Variants in ME2 observed in about 807,000 individuals in gnomAD.
ME2 encodes malic enzyme 2, also known as NAD-dependent malic enzyme, mitochondrial.
In ME2, 60 loss-of-function variants were observed where a neutral mutation model predicts 73.7. The observed-to-expected ratio is 0.81, with a 90% confidence interval of 0.66 to 1.01. ME2 has a LOEUF of 1.01. Among genes scored for constraint, ME2 ranks in the 50% least tolerant of loss-of-function variants. The pLI is 0.00. For synonymous variants in ME2, 199 were observed against 236.9 expected (o/e 0.84, Z 1.47); for missense variants, 594 against 705.5 (o/e 0.84, Z 1.79).
At chr18:50,905,834 C>T (rs1375322772) in intron 2 of ME2, among the ~76,000 whole-genome samples, 1 of 152,182 alleles carries the variant, frequency 6.6e-6, no homozygotes, top group East Asian at 1.9e-4. Context: ...TCTTATCAGG[C>T]TTAAGGTCTG....
chr18:50,901,572 T>C (rs1326668828), intron 2 of ME2, among the ~76,000 whole-genome samples: 1 of 152,246 alleles, frequency 6.6e-6, no homozygotes, highest in East Asian at 1.9e-4. Context: ...TGATACTTTC[T>C]TTTACACTGT....
intron 1 of ME2, among the ~76,000 whole-genome samples, chr18:50,887,362 A>G (rs1309150606): frequency 6.6e-6 from 1 of 152,220 alleles, no homozygotes; most frequent in Non-Finnish European, 1.5e-5. Context: ...CAAATGTTCC[A>G]TGGGTAGACA....
intron 1 of ME2, among the ~76,000 whole-genome samples, chr18:50,887,820 C>G (rs747370909): frequency 2.6e-5 from 4 of 152,018 alleles, no homozygotes; most frequent in Non-Finnish European, 4.4e-5. Flanking sequence ...AAAATTATGC[C>G]ATGAAAGAGA....
At chr18:50,906,565 G>C (rs1284293554) in intron 2 of ME2, among the ~76,000 whole-genome samples, 1 of 152,098 alleles carries the variant, frequency 6.6e-6, no homozygotes, top group Admixed American at 6.6e-5. Flanking sequence ...CGCCCACCTT[G>C]GCCTCCCAAA....
chr18:50,892,369 G>T (rs971418898), intron 1 of ME2, among the ~76,000 whole-genome samples: 5 of 152,094 alleles, frequency 3.3e-5, no homozygotes, highest in African/African-American at 9.7e-5. Flanking sequence ...ATGAGATCTT[G>T]TCTCTAAAAA....
intron 4 of ME2, among the ~76,000 whole-genome samples, chr18:50,914,595 T>C (rs879944885): frequency 2.0e-5 from 3 of 152,246 alleles, no homozygotes; most frequent in Non-Finnish European, 4.4e-5. Flanking sequence ...GGTTGGTTGA[T>C]TGATCTAAAC....
chr18:50,887,983 A>T (rs1916514600), intron 1 of ME2, among the ~76,000 whole-genome samples: 1 of 152,204 alleles, frequency 6.6e-6, no homozygotes, highest in Non-Finnish European at 1.5e-5. Flanking sequence ...AAGTGAAAAG[A>T]TGGAATATCA....
intron 1 of ME2, among the ~76,000 whole-genome samples, chr18:50,889,955 A>G (rs1916566334): frequency 6.6e-6 from 1 of 152,230 alleles, no homozygotes; most frequent in African/African-American, 2.4e-5. Context: ...AAGCCTGTTA[A>G]TTATGTCAAA....
intron 15 of ME2, among the ~76,000 whole-genome samples, chr18:50,944,473 C>G (rs933162819): frequency 2.0e-5 from 3 of 152,142 alleles, no homozygotes; most frequent in African/African-American, 7.2e-5. Flanking sequence ...GCCACTGATT[C>G]ACCCCTTTGG....
chr18:50,934,142 A>G (rs1917763985), intron 13 of ME2: 1 of 152,144 alleles, frequency 6.6e-6, no homozygotes, highest in Non-Finnish European at 1.5e-5. Context: ...GTGAACATAC[A>G]CATGCATGTG....
chr18:50,879,619 C>T (rs1306244497), intron 1 of ME2, among the ~76,000 whole-genome samples: 1 of 152,272 alleles, frequency 6.6e-6, no homozygotes, highest in Non-Finnish European at 1.5e-5. Context: ...GAGCGAGGCC[C>T]TGGGCCTCCA....
At chr18:50,937,615 G>T (rs1403771765) in intron 13 of ME2, among the ~76,000 whole-genome samples, 1 of 151,918 alleles carries the variant, frequency 6.6e-6, no homozygotes, top group Non-Finnish European at 1.5e-5. Context: ...GGGAAGAGAA[G>T]GAAAGTTTTA....
At chr18:50,910,958 G>A (rs892074957) in intron 3 of ME2, among the ~76,000 whole-genome samples, 3 of 152,220 alleles carry the variant, frequency 2.0e-5, no homozygotes, top group African/African-American at 7.2e-5. Context: ...GGATGACGAA[G>A]TGAGGGCATC....
chr18:50,880,091 T>G (rs527340959), intron 1 of ME2, among the ~76,000 whole-genome samples: 63 of 152,346 alleles, frequency 4.1e-4, no homozygotes, highest in African/African-American at 1.4e-3. Context: ...GCAAAGAGGT[T>G]AATAGCATTG....
intron 2 of ME2, among the ~76,000 whole-genome samples, chr18:50,903,426 T>G (rs780250876): frequency 6.6e-6 from 1 of 152,222 alleles, no homozygotes; most frequent in Non-Finnish European, 1.5e-5. Context: ...TCAACTCCAT[T>G]TATCTTTGGC....
intron 13 of ME2, chr18:50,939,283 CTGG>C: frequency 9.3e-5 from 24 of 257,250 alleles, no homozygotes; most frequent in Admixed American, 2.6e-4. Flanking sequence ...GGGCTGGGAA[CTGG>C]AGTTAAAACA....
chr18:50,905,679 A>G (rs375556699), intron 2 of ME2, among the ~76,000 whole-genome samples: 2 of 152,172 alleles, frequency 1.3e-5, no homozygotes, highest in South Asian at 4.1e-4. Context: ...GGCAGGTTTA[A>G]ATTTTTTCTT....
chr18:50,953,435 TG>T lies in ME2; in HGVS notation c.*6252del, dbSNP rs771667297. 1 of 152,236 alleles carries T rather than the reference TG, an allele frequency of 6.6e-6. No individual in the cohort carries two copies. The highest frequency in any genetic ancestry group is 2.4e-5 in the African/African-American group (1 of 41,472). The allele number at this position is 152,236 out of a possible 1,614,324, so 9.4% of individuals were successfully genotyped here. On this transcript the variant is annotated 3_prime_UTR_variant, in exon 16 of 16. Transcript: ENST00000321341. ...TTACCAGTTCATCTGATTTTTACTTTGTTCCCATTTATAATTCAAATATAAT... is the reference window on the plus strand; with the variant it reads ...TTACCAGTTCATCTGATTTTTACTTTTTCCCATTTATAATTCAAATATAAT...
At chr18:50,913,308 T>C (rs1301094034) in intron 4 of ME2, 1 of 163,882 alleles carries the variant, frequency 6.1e-6, no homozygotes, top group Non-Finnish European at 1.3e-5. Context: ...AGATTTTTTT[T>C]TCTCATTTTT....
Sources: allele counts gnomAD v4.1 joint callset (sites outside exome capture counted in the v4.1 genomes callset), GRCh38; gene constraint gnomAD v4.1.1; transcripts MANE v1.5; gene names NCBI Gene and HGNC (gene_info 2026-07-23, HGNC 2026-07-21).